The following VPS13D variants were observed in gnomAD, a reference collection of about 807,000 sequenced individuals.
The protein encoded by VPS13D is intermembrane lipid transfer protein VPS13D.
VPS13D carries 187 observed loss-of-function variants against 461.9 expected under a neutral mutation model. That is an observed-to-expected ratio of 0.40 (90% CI 0.36 to 0.46). VPS13D has a LOEUF of 0.46. VPS13D is among the 20% of genes least tolerant of loss of function. VPS13D has a pLI of 0.60. For missense variants in VPS13D, 4,711 were observed against 5,364.9 expected (o/e 0.88, Z 3.81); for synonymous variants, 1,951 against 1,986.3 (o/e 0.98, Z 0.47).
chr1:12,507,255 A>T lies in VPS13D; in HGVS notation c.13035+162A>T, dbSNP rs1253235580. The T allele has an allele frequency of 7.7e-7, 1 of 1,304,994 alleles. No homozygotes were observed. The highest frequency in any genetic ancestry group is 1.1e-6 in the Non-Finnish European group (1 of 912,336). 80.8% of individuals were successfully genotyped at this position (1,304,994 alleles called of 1,614,324 possible). A position where few individuals can be genotyped will look rare whatever the true frequency, so the allele number is the denominator to read the frequency against. On this transcript the variant is annotated intron_variant, in intron 69 of 69. Coordinates refer to ENST00000620676, the MANE Select transcript of VPS13D (RefSeq NM_015378.4). This position sits in a 1 kb window ranked among gnomAD's most constrained non-coding sequence, Gnocchi z 5.3. ...CCTGAACATGGGAGGGGCCCAGGGT[A>T]TGTTCACGGGGCGATGCTGCCCTCC...
chr1:12,267,801 C>T, intron 14 of VPS13D, 44 bp from the exon 15 acceptor site: 1 of 1,572,574 alleles, frequency 6.4e-7, no homozygotes, highest in South Asian at 1.1e-5. Context: ...GAATTGTCCC[C>T]TCTCACGCTG....
chr1:12,375,586 G>A (rs779044071), intron 55 of VPS13D, among the ~76,000 whole-genome samples: 13 of 152,042 alleles, frequency 8.6e-5, no homozygotes, highest in Non-Finnish European at 1.3e-4. Context: ...CTCATCCTCC[G>A]TCACCACAGT....
intron 2 of VPS13D, among the ~76,000 whole-genome samples, chr1:12,234,835 C>A (rs1457139815): frequency 6.6e-6 from 1 of 152,224 alleles, no homozygotes; most frequent in Admixed American, 6.5e-5. Flanking sequence ...AGCCCCTAGC[C>A]TGCTGGCATA....
At chr1:12,379,683 T>G in intron 57 of VPS13D, 87 bp downstream of exon 57, 1 of 910,676 alleles carries the variant, frequency 1.1e-6, no homozygotes, top group South Asian at 1.7e-5. Flanking sequence ...CATGATGAAT[T>G]GTTCAGTGGG....
In VPS13D at chr1:12,279,119, T is replaced by C. The variant is rs1453120405; in HGVS notation, c.4451-380T>C. 6.6e-6 allele frequency among the ~76,000 whole-genome samples: 1 copy of C among 152,206 alleles called. No individual in the cohort carries two copies. The highest frequency in any genetic ancestry group is 1.5e-5 in the Non-Finnish European group (1 of 68,026). ...ATTTAGGCCTAATAAGAGGGATACA[T>C]CTGTATCTGAAAGCTAGGTAAGGAT... On this transcript the variant is annotated intron_variant, in intron 19 of 69. Coordinates refer to ENST00000620676, the MANE Select transcript of VPS13D (RefSeq NM_015378.4). This position sits in a 1 kb window ranked among gnomAD's most constrained non-coding sequence, Gnocchi z 4.3.
intron 13 of VPS13D, among the ~76,000 whole-genome samples, chr1:12,263,021 A>C (rs554778977): frequency 6.6e-6 from 1 of 152,158 alleles, no homozygotes; most frequent in East Asian, 1.9e-4. Context: ...GATATTTTCA[A>C]CTTATGGTGG....
At chr1:12,428,983 G>T (rs1201194473) in intron 65 of VPS13D, among the ~76,000 whole-genome samples, 2 of 152,170 alleles carry the variant, frequency 1.3e-5, no homozygotes, top group African/African-American at 4.8e-5. Context: ...CCAGGGGTAA[G>T]AACACTTGAT....
At chr1:12,326,357 G>C (rs1243167796) in intron 35 of VPS13D, among the ~76,000 whole-genome samples, 1 of 131,886 alleles carries the variant, frequency 7.6e-6, no homozygotes, top group African/African-American at 2.9e-5. Context: ...TTAGATACTG[G>C]GTTTTGCTCT....
chr1:12,475,265 G>A (rs545764869), intron 67 of VPS13D, among the ~76,000 whole-genome samples: 2 of 152,266 alleles, frequency 1.3e-5, no homozygotes, highest in South Asian at 4.1e-4. Flanking sequence ...GTGACCTTGT[G>A]CAGACAGCTT....
intron 2 of VPS13D, among the ~76,000 whole-genome samples, chr1:12,238,011 C>T (rs748179675): frequency 2.6e-5 from 4 of 151,616 alleles, no homozygotes; most frequent in Non-Finnish European, 4.4e-5. Context: ...TAAAAGTTAG[C>T]GGGGGTGGTG....
intron 46 of VPS13D, among the ~76,000 whole-genome samples, chr1:12,350,758 A>G (rs890192735): frequency 6.6e-6 from 1 of 152,196 alleles, no homozygotes; most frequent in African/African-American, 2.4e-5. Flanking sequence ...TAGAAAATCA[A>G]CAATGTCAAA....
chr1:12,483,712 G>T (rs1463395998), intron 67 of VPS13D, among the ~76,000 whole-genome samples: 1 of 152,136 alleles, frequency 6.6e-6, no homozygotes, highest in Non-Finnish European at 1.5e-5. Context: ...TTAAGAATGA[G>T]GCTTCAGCCA....
At chr1:12,467,822 AATC>A (rs1645509971) in intron 67 of VPS13D, among the ~76,000 whole-genome samples, 1 of 152,204 alleles carries the variant, frequency 6.6e-6, no homozygotes, top group African/African-American at 2.4e-5. Context: ...GGTACATTAT[AATC>A]ATTTCTAGAA....
intron 40 of VPS13D, among the ~76,000 whole-genome samples, chr1:12,341,031 T>C (rs1643557265): frequency 6.6e-6 from 1 of 152,226 alleles, no homozygotes; most frequent in Non-Finnish European, 1.5e-5. Flanking sequence ...TTACAATGTT[T>C]ATAGTCAGGT....
Position 12,253,887 on chromosome 1 carries a change from A to T in VPS13D, c.669+61A>T, listed in dbSNP as rs1640823148. On this transcript the variant is annotated intron_variant, in intron 7 of 69. Transcript: ENST00000620676. ...CATGGAAGGGAAGCGGCGTAGGGTC[A>T]CTGCCACGGGGGCTTTTGTCTCTTG... 3 of 1,359,448 alleles carry T rather than the reference A, an allele frequency of 2.2e-6. No homozygotes were observed. The South Asian group carries it at 3.6e-5, about 16-fold the overall frequency. The allele number at this position is 1,359,448 out of a possible 1,614,324, so 84.2% of individuals were successfully genotyped here.
At chr1:12,260,015 CTTTTTTTTTTTTTT>C (rs70987243) in intron 10 of VPS13D, among the ~76,000 whole-genome samples, 1,382 of 72,922 alleles carry the variant, frequency 0.019, 45 homozygotes, top group African/African-American at 0.049. Context: ...GCTTTAGTGA[CTTTTTTTTTTTTTT>C]TTTTTTTTTT....
At chr1:12,246,940 AT>A (rs1428698747) in intron 5 of VPS13D, among the ~76,000 whole-genome samples, 2 of 152,288 alleles carry the variant, frequency 1.3e-5, no homozygotes, top group African/African-American at 4.8e-5. Flanking sequence ...TGCTGTAAAC[AT>A]TTGTGTATAG....
At chr1:12,456,946 A>G (rs1645338136) in intron 66 of VPS13D, among the ~76,000 whole-genome samples, 1 of 152,200 alleles carries the variant, frequency 6.6e-6, no homozygotes. Flanking sequence ...AGAAATTGAA[A>G]TGAGGAATTT....
In VPS13D at chr1:12,510,214, G is replaced by T. The variant is rs1646164391; in HGVS notation, c.*1190G>T. On this transcript the variant is annotated 3_prime_UTR_variant, in exon 70 of 70. Transcript: ENST00000620676. Reference sequence around the variant, plus strand: ...AAATTCCTGCTGGGAGCAAGGCCTGGTATGAGCGCCCTGGGTCTTGTTTTT... The same window carrying T: ...AAATTCCTGCTGGGAGCAAGGCCTGTTATGAGCGCCCTGGGTCTTGTTTTT... 6.6e-6 allele frequency: 1 copy of T among 152,210 alleles called. No homozygotes were observed. Among genetic ancestry groups the T allele is most frequent in the South Asian group, 2.1e-4 (1 of 4,826 alleles). The allele number at this position is 152,210 out of a possible 1,614,324, so 9.4% of individuals were successfully genotyped here.
Sources: gnomAD v4.1 joint callset for allele counts (sites outside exome capture counted in the v4.1 genomes callset) on GRCh38, gnomAD v4.1.1 for gene constraint, Gnocchi (gnomAD v3.1) non-coding constraint, MANE v1.5 for transcripts, NCBI Gene and HGNC (gene_info 2026-07-23, HGNC 2026-07-21) for gene names.